Variants in MYO9B observed in about 807,000 individuals in gnomAD.
MYO9B encodes the protein myosin IXB, also known as unconventional myosin-IXb.
Under a neutral mutation model 229.5 loss-of-function variants are expected in MYO9B, and 71 were observed. That is an observed-to-expected ratio of 0.31 (90% confidence interval 0.26 to 0.38). The LOEUF (loss-of-function observed/expected upper bound fraction) is 0.38, where lower values mean the gene tolerates loss of function less well. Among genes scored for constraint, MYO9B ranks in the 10% least tolerant of loss-of-function variants. MYO9B has a pLI of 1.00. For synonymous variants in MYO9B, 1,185 were observed against 1,235.8 expected, an observed-to-expected ratio of 0.96 and a Z score of 0.86; for missense variants, 2,255 against 2,920.5, an observed-to-expected ratio of 0.77 and a Z score of 5.25.
chr19:17,104,710 A>G (rs562643320), intron 2 of MYO9B, among the ~76,000 whole-genome samples: 29 of 150,848 alleles, frequency 1.9e-4, no homozygotes, highest in Non-Finnish European at 3.8e-4. Context: ...ATAGGCGTGA[A>G]CCACTGTACC....
chr19:17,185,352 C>G (rs1310425104), intron 17 of MYO9B, among the ~76,000 whole-genome samples: 2 of 144,658 alleles, frequency 1.4e-5, no homozygotes, highest in Admixed American at 1.4e-4. Flanking sequence ...CCAGCCTGGG[C>G]GACAGAGCAA....
intron 2 of MYO9B, among the ~76,000 whole-genome samples, chr19:17,105,121 T>C (rs1422951808): frequency 1.3e-5 from 2 of 151,960 alleles, no homozygotes; most frequent in Non-Finnish European, 2.9e-5. Context: ...TTCCAGGCTG[T>C]CTGTAGTTGG....
At position 17,194,885 on chromosome 19, in the gene MYO9B, A is replaced by G; in HGVS notation, c.3458A>G (p.Gln1153Arg). 6.2e-7 allele frequency: 1 copy of G among 1,613,396 alleles called. No homozygotes were observed. Among genetic ancestry groups the G allele is most frequent in the Non-Finnish European group, 8.5e-7 (1 of 1,179,906 alleles). ...CGGGAGAAGCGTGAGTCGCGTCGGCAAAGAGGGCTGGAGCACGTCAAGTTC... is the reference window on the plus strand; with the variant it reads ...CGGGAGAAGCGTGAGTCGCGTCGGCGAAGAGGGCTGGAGCACGTCAAGTTC... ...SSREKRESRR[Q>R]RGLEHVKFQN... The change falls in exon 22 of 40, where the codon CAA (glutamine) becomes CGA (arginine). Residue 1153 changes from glutamine to arginine, a missense_variant. Coordinates refer to ENST00000682292, the MANE Select transcript of MYO9B (RefSeq NM_004145.4).
chr19:17,121,326 C>T (rs1426635097), intron 2 of MYO9B, among the ~76,000 whole-genome samples: 6 of 152,102 alleles, frequency 3.9e-5, no homozygotes, highest in African/African-American at 1.4e-4. Context: ...AGGGACACAG[C>T]AGTGGTCCCA....
In MYO9B at chr19:17,202,243, C is replaced by A. The variant is rs1468939172; in HGVS notation, c.4776C>A (p.Phe1592Leu). The A allele has an allele frequency of 6.2e-7, 1 of 1,604,666 alleles. No homozygotes were observed. Among genetic ancestry groups the A allele is most frequent in the Non-Finnish European group, 8.5e-7 (1 of 1,176,234 alleles). ...QKDTNLVLNLFQSLLDEFTRG... is the reference protein window; with the variant it reads ...QKDTNLVLNLLQSLLDEFTRG... ...ACACCAACCTGGTCCTCAACCTCTT[C>A]CAGTCACTGCTAGATGAGTTCACCC... Residue 1592 changes from phenylalanine to leucine, a missense_variant, in exon 28 of 40, where the codon TTC becomes TTA. By Grantham distance (22) the Phe-to-Leu change is conservative (BLOSUM62 0). Transcript: ENST00000682292.
At chr19:17,109,089 CAG>C (rs2057822458) in intron 2 of MYO9B, among the ~76,000 whole-genome samples, 1 of 143,474 alleles carries the variant, frequency 7.0e-6, no homozygotes, top group Non-Finnish European at 1.5e-5. Context: ...TATTTTGAAA[CAG>C]AGTTTCTCTC....
chr19:17,147,542 C>CAA (rs71334674), intron 3 of MYO9B, among the ~76,000 whole-genome samples: 22,707 of 63,886 alleles, frequency 0.36, 3,381 homozygotes, highest in African/African-American at 0.52. Context: ...AAGTCCATCT[C>CAA]AAAAAAAAAA....
intron 9 of MYO9B, 112 bp from the exon 10 acceptor site, chr19:17,162,876 A>T: frequency 8.3e-7 from 1 of 1,208,200 alleles, no homozygotes; most frequent in Non-Finnish European, 1.1e-6. Flanking sequence ...CTGCCGAGCA[A>T]CAGGGACTGG....
intron 2 of MYO9B, among the ~76,000 whole-genome samples, chr19:17,118,626 C>T (rs749280054): frequency 2.3e-4 from 35 of 152,026 alleles, no homozygotes; most frequent in Non-Finnish European, 3.8e-4. Flanking sequence ...GGACTACAGG[C>T]GTGCGCCATC....
In MYO9B at chr19:17,102,038, C is replaced by G. The variant is rs753384591; in HGVS notation, c.321C>G (p.Phe107Leu). 6.2e-7 allele frequency: 1 copy of G among 1,612,512 alleles called. No homozygotes were observed. ...ACCCTCAGGAGGATGGCTACTACTTCCTGCTGCAGGAGCGCAACGCAGATG... is the reference window on the plus strand; with the variant it reads ...ACCCTCAGGAGGATGGCTACTACTTGCTGCTGCAGGAGCGCAACGCAGATG... ...DEHPQEDGYYFLLQERNADGT... is the reference protein window; with the variant it reads ...DEHPQEDGYYLLLQERNADGT... Residue 107 changes from phenylalanine to leucine, a missense_variant, in exon 2 of 40, where the codon TTC (phenylalanine) becomes TTG (leucine). This residue lies in a region of MYO9B where 386 missense variants were observed against 515.2 expected (regional missense o/e 0.75). Coordinates refer to ENST00000682292, the MANE Select transcript of MYO9B (RefSeq NM_004145.4).
At position 17,191,119 on chromosome 19, in the gene MYO9B, T is replaced by A; in HGVS notation, c.2711T>A (p.Val904Glu). The A allele has an allele frequency of 3.7e-6, 6 of 1,612,834 alleles. No individual in the cohort carries two copies. The highest frequency in any genetic ancestry group is 5.1e-6 in the Non-Finnish European group (6 of 1,179,356). ...TFQDFTEQFQ[V>E]LLPKDAQPCR... Reference sequence around the variant, plus strand: ...TAGGATTTCACCGAGCAGTTCCAGGTGCTCCTGCCCAAGGATGCCCAGCCC... The same window carrying A: ...TAGGATTTCACCGAGCAGTTCCAGGAGCTCCTGCCCAAGGATGCCCAGCCC... Residue 904 changes from valine (V) to glutamate (E), a missense_variant, in exon 20 of 40, where the codon GTG (valine) becomes GAG (glutamate). Coordinates refer to ENST00000682292, the MANE Select transcript of MYO9B (RefSeq NM_004145.4).
At chr19:17,104,617 G>T (rs2057776154) in intron 2 of MYO9B, among the ~76,000 whole-genome samples, 1 of 151,816 alleles carries the variant, frequency 6.6e-6, no homozygotes, top group African/African-American at 2.4e-5. Context: ...TAGAGATGGG[G>T]GTCTCACTGT....
Position 17,207,255 on chromosome 19 carries a change from A to T in MYO9B, c.5624+11A>T. ...CCTCAAGATCACCACGTGAGTGCCC[A>T]CCCTGCCCCGGAGGCATGCTCAGGG... is the stretch of plus-strand genomic sequence containing the variant. On this transcript the variant is annotated intron_variant, in intron 35 of 39. Transcript: ENST00000682292. The T allele has an allele frequency of 6.3e-7, 1 of 1,589,090 alleles. No individual in the cohort carries two copies. Among genetic ancestry groups the T allele is most frequent in the Non-Finnish European group, 8.6e-7 (1 of 1,169,232 alleles).
At chr19:17,206,225 G>GCGGCCC in intron 32 of MYO9B, 23 bp from the exon 33 acceptor site, 1 of 1,564,640 alleles carries the variant, frequency 6.4e-7, no homozygotes, top group Non-Finnish European at 8.7e-7. Context: ...CCGCTCACCA[G>GCGGCCC]ACCCACCCCA....
At chr19:17,152,563 C>CAAAAA in intron 3 of MYO9B, 81 bp from the exon 4 acceptor site, 2 of 915,402 alleles carry the variant, frequency 2.2e-6, no homozygotes, top group South Asian at 1.7e-5. Context: ...ACTCCCATCT[C>CAAAAA]AAAAAAAAAA....
rs573418891 is a variant in MYO9B at position 17,081,184 on chromosome 19, C to T, written c.-59+5310C>T. Among the ~76,000 whole-genome samples, 79 of 152,166 alleles carry T rather than the reference C, an allele frequency of 5.2e-4. 2 individuals are homozygous for T. Among genetic ancestry groups the T allele is most frequent in the South Asian group, 2.1e-4 (1 of 4,820 alleles). On this transcript the variant is annotated intron_variant, in intron 1 of 39. Transcript: ENST00000682292. ...CTGGGACTACAGGCGTGCGCCACCA[C>T]GCCCAGCTACTTTTTGTATTTTTAG...
At chr19:17,077,447 C>G (rs751174938) in intron 1 of MYO9B, among the ~76,000 whole-genome samples, 2 of 152,204 alleles carry the variant, frequency 1.3e-5, no homozygotes, top group African/African-American at 2.4e-5. Flanking sequence ...CACAGTCATG[C>G]CTCCTGCAAA....
chr19:17,155,715 A>G (rs187958943), intron 6 of MYO9B, among the ~76,000 whole-genome samples: 11 of 151,864 alleles, frequency 7.2e-5, no homozygotes, highest in East Asian at 2.0e-4. Context: ...CACAGCTACA[A>G]TGAGCTAAGA....
In MYO9B at chr19:17,172,914, G is replaced by C; in HGVS notation, c.2091G>C (p.Val697=). 1.9e-6 allele frequency: 3 copies of C among 1,600,492 alleles called. No homozygotes were observed. Among genetic ancestry groups the C allele is most frequent in the South Asian group, 1.1e-5 (1 of 91,058 alleles). The change falls in exon 13 of 40, where the codon GTG becomes GTC. Residue 697 remains valine (V), a synonymous_variant. Transcript: ENST00000682292. The surrounding 1 kb of genome is among the most constrained non-coding windows in gnomAD (Gnocchi z 8.2). ...VLRAAIRAMA[V]LREAGRLRAE... is the part of the protein sequence containing the mutation. ...GGGCTGCTATCCGGGCCATGGCAGTGCTTCGGGAGGCCGGACGCCTGCGGG... is the reference window on the plus strand; with the variant it reads ...GGGCTGCTATCCGGGCCATGGCAGTCCTTCGGGAGGCCGGACGCCTGCGGG...
Sources: allele counts gnomAD v4.1 joint callset (sites outside exome capture counted in the v4.1 genomes callset), GRCh38; gene constraint gnomAD v4.1.1; regional missense constraint gnomAD v4.1.1; non-coding constraint Gnocchi (gnomAD v3.1); transcripts MANE v1.5; gene names NCBI Gene and HGNC (gene_info 2026-07-23, HGNC 2026-07-21).